The following PLCXD2 variants were observed in gnomAD, a reference collection of about 807,000 sequenced individuals.
PLCXD2 encodes phosphatidylinositol specific phospholipase C X domain containing 2.
Under a neutral mutation model 28.6 loss-of-function variants are expected in PLCXD2, and 21 were observed. That is an observed-to-expected ratio of 0.73 (90% CI 0.52 to 1.06). The LOEUF (loss-of-function observed/expected upper bound fraction) is 1.06. Among genes scored for constraint, PLCXD2 ranks in the 50% least tolerant of loss-of-function variants. PLCXD2 has a pLI of 0.00. For synonymous variants in PLCXD2, 140 were observed against 150.1 expected, an observed-to-expected ratio of 0.93 and a Z score of 0.49; for missense variants, 369 against 376.7, an observed-to-expected ratio of 0.98 and a Z score of 0.17.
intron 1 of PLCXD2, chr3:111,676,685 A>C (rs964202336): frequency 2.0e-5 from 3 of 152,168 alleles, no homozygotes; most frequent in Admixed American, 2.0e-4. Flanking sequence ...TTCCATGTTT[A>C]ATTGGCGCCT....
chr3:111,689,179 G>A (rs1365561458), intron 1 of PLCXD2, among the ~76,000 whole-genome samples: 3 of 152,200 alleles, frequency 2.0e-5, no homozygotes, highest in Non-Finnish European at 4.4e-5. Context: ...GCTGGACTGT[G>A]AGAGACAGGG....
In PLCXD2 at chr3:111,693,431, G is replaced by A. The variant is rs1378841206; in HGVS notation, c.164-14495G>A. Reference sequence around the variant, plus strand: ...CTATTCTGAGCAACGTGAAGCTTAAGCTAGACTCTTTGTGGTTGTACATTT... The same window carrying A: ...CTATTCTGAGCAACGTGAAGCTTAAACTAGACTCTTTGTGGTTGTACATTT... On this transcript the variant is annotated intron_variant, in intron 1 of 4. Transcript: ENST00000477665. Among the ~76,000 whole-genome samples the A allele has an allele frequency of 8.9e-4, 135 of 152,344 alleles. 3 individuals are homozygous for A. Among genetic ancestry groups the A allele is most frequent in the Admixed American group, 8.8e-3 (135 of 15,304 alleles).
intron 3 of PLCXD2, among the ~76,000 whole-genome samples, chr3:111,720,015 T>C (rs942440007): frequency 2.0e-5 from 3 of 152,042 alleles, no homozygotes; most frequent in Admixed American, 6.6e-5. Flanking sequence ...AAATACAAGA[T>C]GGATTGATGG....
At chr3:111,695,996 T>G (rs114614629) in intron 1 of PLCXD2, among the ~76,000 whole-genome samples, 1 of 152,186 alleles carries the variant, frequency 6.6e-6, no homozygotes, top group Non-Finnish European at 1.5e-5. Context: ...TCTTTAAAAT[T>G]GGTTAACAAC....
intron 2 of PLCXD2, among the ~76,000 whole-genome samples, chr3:111,709,091 GGAA>G (rs1300229846): frequency 9.3e-5 from 5 of 53,558 alleles, no homozygotes; most frequent in African/African-American, 5.9e-5. Context: ...TACACTCTCT[GGAA>G]AAAAAAAAAA....
intron 1 of PLCXD2, among the ~76,000 whole-genome samples, chr3:111,676,137 C>T (rs1016074480): frequency 1.3e-5 from 2 of 152,204 alleles, no homozygotes; most frequent in Non-Finnish European, 2.9e-5. Flanking sequence ...AATGTGTCCT[C>T]TTCCTTCCAC....
Position 111,675,217 on chromosome 3 carries a change from T to C in PLCXD2, c.-29T>C. The C allele has an allele frequency of 3.7e-6, 6 of 1,606,922 alleles. 1 individual carries two copies. The South Asian group carries it at 6.6e-5, about 18-fold the overall frequency. On this transcript the variant is annotated 5_prime_UTR_variant, in exon 1 of 5. Transcript: ENST00000477665. ...GATCACTGAGTGAGTGGCACTGGGC[T>C]GAGACTGGCCAGTTTGTTAACAACA...
chr3:111,711,635 G>A (rs1941201274), intron 2 of PLCXD2, among the ~76,000 whole-genome samples: 1 of 152,138 alleles, frequency 6.6e-6, no homozygotes, highest in Admixed American at 6.5e-5. Flanking sequence ...CATAGCCATA[G>A]GTATATATTT....
intron 2 of PLCXD2, among the ~76,000 whole-genome samples, chr3:111,711,118 G>A (rs1941194135): frequency 1.3e-5 from 2 of 152,096 alleles, no homozygotes; most frequent in South Asian, 4.1e-4. Flanking sequence ...CTTCTTGAAA[G>A]CTAAACAGGC....
At chr3:111,725,948 G>C in intron 3 of PLCXD2, 1 of 398,322 alleles carries the variant, frequency 2.5e-6, no homozygotes. Context: ...ACAGTGATAG[G>C]CACGTGTGTT....
At chr3:111,720,604 T>G (rs1419558920) in intron 3 of PLCXD2, 119 bp from the exon 4 acceptor site, 1 of 408,738 alleles carries the variant, frequency 2.4e-6, no homozygotes, top group Non-Finnish European at 4.4e-6. Flanking sequence ...TCTGAAAGCT[T>G]GTGCTCTTAT....
intron 2 of PLCXD2, among the ~76,000 whole-genome samples, chr3:111,712,643 G>C (rs373028580): frequency 3.9e-5 from 6 of 152,254 alleles, no homozygotes; most frequent in Non-Finnish European, 7.4e-5. Flanking sequence ...AGTTAGTCAG[G>C]CACCTTAGTC....
chr3:111,726,030 C>G (rs1941410459), intron 3 of PLCXD2: 2 of 369,480 alleles, frequency 5.4e-6, no homozygotes, highest in Admixed American at 1.1e-4. Flanking sequence ...TATTCTACCC[C>G]TCAACCTACA....
At chr3:111,719,912 C>A (rs1337979026) in intron 3 of PLCXD2, among the ~76,000 whole-genome samples, 1 of 152,144 alleles carries the variant, frequency 6.6e-6, no homozygotes, top group African/African-American at 2.4e-5. Context: ...AAAAGAAGAA[C>A]AAATTAAAAA....
At chr3:111,703,163 A>C (rs915842536) in intron 1 of PLCXD2, among the ~76,000 whole-genome samples, 2 of 152,206 alleles carry the variant, frequency 1.3e-5, no homozygotes, top group African/African-American at 4.8e-5. Flanking sequence ...TAAAACATTC[A>C]GCAATCTGCT....
chr3:111,719,849 C>T (rs1008900629), intron 3 of PLCXD2, among the ~76,000 whole-genome samples: 2 of 152,112 alleles, frequency 1.3e-5, no homozygotes, highest in Non-Finnish European at 2.9e-5. Context: ...TGTCAAAACT[C>T]GGCAAGTGTA....
chr3:111,698,862 C>G (rs558974121), intron 1 of PLCXD2, among the ~76,000 whole-genome samples: 1 of 152,054 alleles, frequency 6.6e-6, no homozygotes, highest in Admixed American at 6.5e-5. Context: ...TTCCTTATTT[C>G]CCCCCCTCCT....
At chr3:111,702,907 G>C (rs1224530094) in intron 1 of PLCXD2, among the ~76,000 whole-genome samples, 1 of 152,174 alleles carries the variant, frequency 6.6e-6, no homozygotes, top group Admixed American at 6.5e-5. Flanking sequence ...TTTTCTATTT[G>C]TAAGTACTAT....
chr3:111,675,911 C>T (rs1313157181), intron 1 of PLCXD2, among the ~76,000 whole-genome samples: 1 of 152,228 alleles, frequency 6.6e-6, no homozygotes. Context: ...TATAAAGACA[C>T]ATTTTTGTTG....
Sources: allele counts gnomAD v4.1 joint callset (sites outside exome capture counted in the v4.1 genomes callset), GRCh38; gene constraint gnomAD v4.1.1; transcripts MANE v1.5; gene names NCBI Gene and HGNC (gene_info 2026-07-23, HGNC 2026-07-21).